The following SAXO1 variants were observed in gnomAD, a reference collection of about 807,000 sequenced individuals.
The protein encoded by SAXO1 is 4930500O09Rik.
Under a neutral mutation model 17.5 loss-of-function variants are expected in SAXO1, and 21 were observed. The observed-to-expected ratio is 1.20, with a 90% CI of 0.85 to 1.72. The LOEUF (loss-of-function observed/expected upper bound fraction) is 1.72. Among genes scored for constraint, SAXO1 ranks in the 40% most tolerant of loss-of-function variants. SAXO1 has a pLI of 0.00. For missense variants in SAXO1, 843 were observed against 596.0 expected (o/e 1.41, Z -4.32); for synonymous variants, 274 against 216.5 (o/e 1.27, Z -2.33).
At chr9:19,030,373 T>G (rs1416589433) in intron 1 of SAXO1, among the ~76,000 whole-genome samples, 2 of 151,684 alleles carry the variant, frequency 1.3e-5, no homozygotes, top group Non-Finnish European at 2.9e-5. Flanking sequence ...AGGGACCAAT[T>G]AAAGAAAGAT....
At chr9:18,964,484 T>A (rs1832634735) in intron 1 of SAXO1, among the ~76,000 whole-genome samples, 1 of 152,230 alleles carries the variant, frequency 6.6e-6, no homozygotes, top group Admixed American at 6.5e-5. Flanking sequence ...CTCAAATTCT[T>A]CCTGGTTTAG....
intron 1 of SAXO1, among the ~76,000 whole-genome samples, chr9:19,018,031 G>T (rs112368207): frequency 0.012 from 1,756 of 152,136 alleles, 39 homozygotes; most frequent in African/African-American, 0.04. Flanking sequence ...AGTCGGGTGT[G>T]GTTGTACACA....
At chr9:18,957,419 A>G (rs978553185) in intron 1 of SAXO1, among the ~76,000 whole-genome samples, 5 of 152,332 alleles carry the variant, frequency 3.3e-5, no homozygotes, top group Admixed American at 1.3e-4. Context: ...GCTGGTCAGC[A>G]GCAGCCTTCA....
intron 1 of SAXO1, among the ~76,000 whole-genome samples, chr9:18,974,700 G>GAT (rs1833067097): frequency 6.6e-6 from 1 of 152,166 alleles, no homozygotes; most frequent in Admixed American, 6.5e-5. Context: ...TACATACTGA[G>GAT]ATATATATAT....
chr9:18,956,821 T>C (rs952847913), intron 1 of SAXO1, among the ~76,000 whole-genome samples: 1 of 152,242 alleles, frequency 6.6e-6, no homozygotes, highest in Non-Finnish European at 1.5e-5. Context: ...CTAAGTGTTT[T>C]ATATATTATT....
At chr9:19,035,596 G>A (rs183379127), upstream of SAXO1, among the ~76,000 whole-genome samples, 58 of 152,310 alleles carry the variant, frequency 3.8e-4, no homozygotes, top group East Asian at 7.5e-3. Context: ...GGAGGGCTCC[G>A]AAGAAGACAG....
At chr9:19,028,318 A>G (rs1295275824) in intron 1 of SAXO1, among the ~76,000 whole-genome samples, 4 of 152,182 alleles carry the variant, frequency 2.6e-5, no homozygotes, top group Non-Finnish European at 4.4e-5. Flanking sequence ...GGAGGTTGCA[A>G]TAAGCCAAGA....
intron 1 of SAXO1, among the ~76,000 whole-genome samples, chr9:18,965,793 C>T (rs548881201): frequency 4.1e-4 from 62 of 152,224 alleles, no homozygotes; most frequent in African/African-American, 1.4e-3. Flanking sequence ...CATTATGATG[C>T]TAGCTGGTTA....
chr9:18,988,378 C>A (rs1312375458), intron 1 of SAXO1, among the ~76,000 whole-genome samples: 2 of 152,202 alleles, frequency 1.3e-5, no homozygotes, highest in East Asian at 3.8e-4. Context: ...CCCTAGGTAT[C>A]CAGGGCTATG....
chr9:18,979,591 T>C (rs1833288153), intron 1 of SAXO1, among the ~76,000 whole-genome samples: 1 of 152,236 alleles, frequency 6.6e-6, no homozygotes, highest in South Asian at 2.1e-4. Flanking sequence ...GACTCAGCTG[T>C]TGACTTCAGA....
chr9:18,950,811 T>G lies in SAXO1; in HGVS notation c.165A>C (p.Pro55=), dbSNP rs1380179178. 3 of 1,613,696 alleles carry G rather than the reference T, an allele frequency of 1.9e-6. No homozygotes were observed. The stretch of plus-strand genomic sequence containing the variant: ...TAGGCCCTTTCTGGTACTCCCGCCT[T>G]GGCTTGAAGGACTCTCTGGGCAGGT... ...HSYLPRESFK[P]RREYQKGPIP... is the part of the protein sequence containing the mutation. Residue 55 remains proline (P), a synonymous_variant, in exon 2 of 4, where the codon CCA becomes CCC. Coordinates refer to ENST00000380534, the MANE Select transcript of SAXO1 (RefSeq NM_153707.4).
chr9:18,939,525 A>T (rs1831458541), intron 3 of SAXO1, among the ~76,000 whole-genome samples: 1 of 152,264 alleles, frequency 6.6e-6, no homozygotes. Context: ...TCAGAATGTG[A>T]TCTTTCAGCT....
At chr9:18,987,303 A>G (rs976882300) in intron 1 of SAXO1, among the ~76,000 whole-genome samples, 2 of 152,200 alleles carry the variant, frequency 1.3e-5, no homozygotes, top group African/African-American at 2.4e-5. Flanking sequence ...CTCCAAGAAC[A>G]AACTCCAAGA....
rs139396071 is a variant in SAXO1 at position 18,999,987 on chromosome 9, G to C, written c.38+32884C>G. 1.0e-2 allele frequency among the ~76,000 whole-genome samples: 1,439 copies of C among 144,468 alleles called. 29 individuals are homozygous for C. Among genetic ancestry groups the C allele is most frequent in the African/African-American group, 0.035 (1,309 of 37,206 alleles). 94.8% of individuals were successfully genotyped at this position (144,468 alleles called of 152,430 possible). A position where few individuals can be genotyped will look rare whatever the true frequency, so the allele number is the denominator to read the frequency against. ...ACCCAGCCGCCCCACCATCTGGGAA[G>C]TGAGGAGCACCTCTGCCCGGCTGTC... On this transcript the variant is annotated intron_variant, in intron 1 of 3. Coordinates refer to ENST00000380534, the MANE Select transcript of SAXO1 (RefSeq NM_153707.4).
intron 1 of SAXO1, among the ~76,000 whole-genome samples, chr9:19,001,222 G>A (rs971809355): frequency 2.0e-5 from 3 of 152,166 alleles, no homozygotes; most frequent in African/African-American, 7.2e-5. Flanking sequence ...TAAAAGAACA[G>A]AAATCACAAC....
chr9:19,028,217 A>C (rs1052398803), intron 1 of SAXO1: 2 of 1,016,382 alleles, frequency 2.0e-6, no homozygotes, highest in Non-Finnish European at 2.9e-6. Flanking sequence ...AAACAAAAAA[A>C]ATACAAAAAT....
chr9:19,005,157 C>A (rs770248588), intron 1 of SAXO1, among the ~76,000 whole-genome samples: 2 of 152,082 alleles, frequency 1.3e-5, no homozygotes, highest in Non-Finnish European at 2.9e-5. Context: ...TGGATAGACA[C>A]CCCATGTTGA....
intron 1 of SAXO1, among the ~76,000 whole-genome samples, chr9:18,953,975 G>T (rs897838698): frequency 6.6e-6 from 1 of 152,192 alleles, no homozygotes; most frequent in Non-Finnish European, 1.5e-5. Flanking sequence ...TTAAAAGTAA[G>T]CTTGGCAGCC....
chr9:18,966,528 A>G (rs1052009707), intron 1 of SAXO1, among the ~76,000 whole-genome samples: 10 of 152,072 alleles, frequency 6.6e-5, no homozygotes, highest in Admixed American at 2.6e-4. Flanking sequence ...CACTTGATCA[A>G]TTTGGCTATT....
Sources: gnomAD v4.1 joint callset for allele counts (sites outside exome capture counted in the v4.1 genomes callset) on GRCh38, gnomAD v4.1.1 for gene constraint, MANE v1.5 for transcripts, NCBI Gene and HGNC (gene_info 2026-07-23, HGNC 2026-07-21) for gene names.